The following DBF4B variants were observed in gnomAD, a reference collection of about 807,000 sequenced individuals.
DBF4B encodes the protein protein DBF4 homolog B.
DBF4B carries 49 observed loss-of-function variants against 53.4 expected under a neutral mutation model. The ratio of observed to expected loss-of-function variants is 0.92; its 90% CI spans 0.73 to 1.16. DBF4B has a LOEUF of 1.16. Among genes scored for constraint, DBF4B ranks in the 50% most tolerant of loss-of-function variants. The pLI is 0.00. For missense variants in DBF4B, 692 were observed against 775.0 expected (o/e 0.89, Z 1.27); for synonymous variants, 257 against 288.7 (o/e 0.89, Z 1.11).
At chr17:44,727,098 CAAAA>C (rs60326279) in intron 3 of DBF4B, among the ~76,000 whole-genome samples, 1 of 49,516 alleles carries the variant, frequency 2.0e-5, no homozygotes, top group Non-Finnish European at 3.6e-5. Context: ...GACTCCATCT[CAAAA>C]AAAAAAAAAA....
chr17:44,727,864 A>ATTTTTTTT (rs756222247), intron 3 of DBF4B, among the ~76,000 whole-genome samples: 115 of 106,702 alleles, frequency 1.1e-3, no homozygotes, highest in Non-Finnish European at 1.2e-3. Context: ...TGCCCGGGTA[A>ATTTTTTTT]TTTTTTTTTT....
Position 44,747,094 on chromosome 17 carries a change from A to T in DBF4B, c.842A>T (p.Asp281Val). The T allele has an allele frequency of 1.2e-6, 2 of 1,614,108 alleles. No homozygotes were observed. Among genetic ancestry groups the T allele is most frequent in the Non-Finnish European group, 1.7e-6 (2 of 1,180,006 alleles). ...GSMHHTRESK[D>V]GEPSPRSAAH... is the part of the protein sequence containing the mutation. Reference sequence around the variant, plus strand: ...TGTACCCTCCCCAGAGAATCCAAGGATGGAGAGCCAAGCCCACGATCAGCT... The same window carrying T: ...TGTACCCTCCCCAGAGAATCCAAGGTTGGAGAGCCAAGCCCACGATCAGCT... The change falls in exon 11 of 14, where the codon GAT (aspartate) becomes GTT (valine). Residue 281 changes from aspartate to valine, a missense_variant. Physicochemically the swap from Asp to Val is radical, Grantham distance 152. Transcript: ENST00000315005.
chr17:44,732,282 G>A lies in DBF4B; in HGVS notation c.556+17G>A. On this transcript the variant is annotated intron_variant, in intron 6 of 13. Coordinates refer to ENST00000315005, the MANE Select transcript of DBF4B (RefSeq NM_145663.3). ...ACGTGGATGGTACCCTTTCTGTGCT[G>A]GGCTCCTGTGGAGGGAGAATTGGTG... The A allele has an allele frequency of 1.9e-6, 3 of 1,613,302 alleles. No individual in the cohort carries two copies. Among genetic ancestry groups the A allele is most frequent in the Non-Finnish European group, 2.5e-6 (3 of 1,179,492 alleles).
Position 44,751,171 on chromosome 17 carries a change from A to G in DBF4B, c.1766A>G (p.His589Arg). The G allele has an allele frequency of 6.2e-7, 1 of 1,614,014 alleles. No individual in the cohort carries two copies. ...TATCTCAATGATCATGACCTTGGACATCTCTGCCAGGCCAAACCCCAAGGC... is the reference window on the plus strand; with the variant it reads ...TATCTCAATGATCATGACCTTGGACGTCTCTGCCAGGCCAAACCCCAAGGC... ...PSYLNDHDLG[H>R]LCQAKPQGWN... Residue 589 changes from histidine to arginine, a missense_variant, in exon 14 of 14, where the codon CAT becomes CGT. By Grantham distance (29) the His-to-Arg change is conservative. Coordinates refer to ENST00000315005, the MANE Select transcript of DBF4B (RefSeq NM_145663.3).
At position 44,736,858 on chromosome 17, in the gene DBF4B, C is replaced by T. The variant is rs1468793050; in HGVS notation, c.659C>T (p.Thr220Ile). ...EGTCPAAESR[T>I]RKVARLKAPF... ...ACATGTCCAGCAGCAGAGTCAAGAACACGGAAAGGTCAGTGTGGTAGCTTT... is the reference window on the plus strand; with the variant it reads ...ACATGTCCAGCAGCAGAGTCAAGAATACGGAAAGGTCAGTGTGGTAGCTTT... Residue 220 changes from threonine to isoleucine, a missense_variant, in exon 8 of 14, where the codon ACA becomes ATA. Physicochemically the swap from Thr to Ile is moderately conservative, Grantham distance 89. This residue lies in a region of DBF4B where 597 missense variants were observed against 665.8 expected (regional missense o/e 0.90). Transcript: ENST00000315005. 6.2e-7 allele frequency: 1 copy of T among 1,614,092 alleles called. No homozygotes were observed. The highest frequency in any genetic ancestry group is 1.7e-5 in the Admixed American group (1 of 60,006).
Position 44,709,302 on chromosome 17 carries a change from A to G in DBF4B, c.20-2A>G. On this transcript the variant is annotated splice_acceptor_variant, in intron 1 of 13. Coordinates refer to ENST00000315005, the MANE Select transcript of DBF4B (RefSeq NM_145663.3). LOFTEE classifies it high-confidence loss of function. ...TTGAGTTGCTGTTATGTCCTTTCTC[A>G]GGAGACGATTGCCTCGAGCTGGAGA... 1 of 1,614,098 alleles carries G rather than the reference A, an allele frequency of 6.2e-7. No individual in the cohort carries two copies. The highest frequency in any genetic ancestry group is 8.5e-7 in the Non-Finnish European group (1 of 1,180,018).
chr17:44,746,827 AAAAAAG>A (rs1429709523), intron 10 of DBF4B, among the ~76,000 whole-genome samples: 5 of 151,926 alleles, frequency 3.3e-5, no homozygotes, highest in Non-Finnish European at 5.9e-5. Flanking sequence ...AAAAAAAAAA[AAAAAAG>A]AGAGAGAGGA....
chr17:44,723,480 G>A (rs375432701), intron 3 of DBF4B, among the ~76,000 whole-genome samples: 2 of 151,796 alleles, frequency 1.3e-5, no homozygotes. Flanking sequence ...TTGGCCAGGC[G>A]CAGTGGCTCA....
chr17:44,741,388 C>T lies in DBF4B; in HGVS notation c.766C>T (p.Leu256Phe), dbSNP rs1255377952. The change falls in exon 10 of 14, where the codon CTT becomes TTT. Residue 256 changes from leucine to phenylalanine, a missense_variant. By Grantham distance (22) the Leu-to-Phe change is conservative. Around this residue, in one of 3 missense-constraint regions of DBF4B, gnomAD observed 597 missense variants for 665.8 expected, o/e 0.90. Transcript: ENST00000315005. Reference protein sequence around the residue: ...QFKSFPEISFLGPKDASPFEA... With the variant: ...QFKSFPEISFFGPKDASPFEA... Reference sequence around the variant, plus strand: ...TAAATCCTTTCCTGAAATTTCTTTTCTTGGACCCAAAGATGCAAGTCCCTT... The same window carrying T: ...TAAATCCTTTCCTGAAATTTCTTTTTTTGGACCCAAAGATGCAAGTCCCTT... 8 of 1,613,654 alleles carry T rather than the reference C, an allele frequency of 5.0e-6. No individual in the cohort carries two copies. Among genetic ancestry groups the T allele is most frequent in the Non-Finnish European group, 6.8e-6 (8 of 1,179,782 alleles).
chr17:44,747,647 C>G, intron 12 of DBF4B, 132 bp downstream of exon 12: 1 of 1,256,314 alleles, frequency 8.0e-7, no homozygotes. Flanking sequence ...CCTTCCTTTC[C>G]CCTTATCCTC....
Position 44,752,109 on chromosome 17 carries a change from C to A in DBF4B, c.*856C>A. On this transcript the variant is annotated 3_prime_UTR_variant, in exon 14 of 14. Transcript: ENST00000315005. The stretch of plus-strand genomic sequence containing the variant: ...TTGGTAGCTCCACCCCAACTCCCTT[C>A]TGCTGGGTGGAATGCAGGAGCTAGC... 2.0e-6 allele frequency: 2 copies of A among 1,011,854 alleles called. No homozygotes were observed. Among genetic ancestry groups the A allele is most frequent in the Non-Finnish European group, 3.0e-6 (2 of 674,032 alleles). 62.7% of individuals were successfully genotyped at this position (1,011,854 alleles called of 1,614,324 possible). A position where few individuals can be genotyped will look rare whatever the true frequency, so the allele number is the denominator to read the frequency against.
chr17:44,747,609 C>T, intron 12 of DBF4B, 94 bp downstream of exon 12: 1 of 1,492,520 alleles, frequency 6.7e-7, no homozygotes, highest in Non-Finnish European at 9.0e-7. Context: ...CTGCTGGGAC[C>T]AGACTGTGAT....
At chr17:44,735,077 G>A (rs1439958029) in intron 7 of DBF4B, among the ~76,000 whole-genome samples, 1 of 152,120 alleles carries the variant, frequency 6.6e-6, no homozygotes, top group African/African-American at 2.4e-5. Context: ...TCCAGCCTAG[G>A]CGACAGCAAA....
chr17:44,726,052 C>T (rs956625572), intron 3 of DBF4B, among the ~76,000 whole-genome samples: 8 of 150,342 alleles, frequency 5.3e-5, no homozygotes, highest in African/African-American at 1.7e-4. Context: ...TGCAATGGTG[C>T]GATCTCAGCT....
intron 10 of DBF4B, among the ~76,000 whole-genome samples, chr17:44,744,747 A>AT (rs1180230679): frequency 6.6e-6 from 1 of 152,208 alleles, no homozygotes; most frequent in African/African-American, 2.4e-5. Context: ...TGACTGGCAG[A>AT]TATGCTGACC....
chr17:44,750,750 G>A lies in DBF4B; in HGVS notation c.1345G>A (p.Ala449Thr), dbSNP rs767748210. ...REQGCLCPCP[A>T]SFTQSHLVTS... ...GCAGGGCTGCCTCTGTCCCTGCCCAGCCTCCTTTACCCAGTCTCATCTGGT... is the reference window on the plus strand; with the variant it reads ...GCAGGGCTGCCTCTGTCCCTGCCCAACCTCCTTTACCCAGTCTCATCTGGT... Residue 449 changes from alanine to threonine, a missense_variant, in exon 14 of 14, where the codon GCC becomes ACC. This residue lies in a region of DBF4B where 597 missense variants were observed against 665.8 expected (regional missense o/e 0.90). Coordinates refer to ENST00000315005, the MANE Select transcript of DBF4B (RefSeq NM_145663.3). The A allele has an allele frequency of 1.2e-6, 2 of 1,614,162 alleles. No individual in the cohort carries two copies. The highest frequency in any genetic ancestry group is 1.7e-6 in the Non-Finnish European group (2 of 1,180,028).
intron 13 of DBF4B, chr17:44,750,213 T>G: frequency 9.9e-7 from 1 of 1,008,168 alleles, no homozygotes; most frequent in Non-Finnish European, 1.2e-6. Flanking sequence ...GCCATTAATC[T>G]GGAGACAGAA....
At chr17:44,734,341 C>T (rs1975143239) in intron 7 of DBF4B, among the ~76,000 whole-genome samples, 178 bp downstream of exon 7, 1 of 152,200 alleles carries the variant, frequency 6.6e-6, no homozygotes, top group South Asian at 2.1e-4. Context: ...AACACCCTTT[C>T]TTCTCTCTTC....
intron 3 of DBF4B, among the ~76,000 whole-genome samples, chr17:44,729,563 C>T (rs1272777402): frequency 1.3e-5 from 2 of 152,102 alleles, no homozygotes; most frequent in East Asian, 3.9e-4. Flanking sequence ...TAATCCTTTC[C>T]AGCTCTTTCA....
Sources: gnomAD v4.1 joint callset for allele counts (sites outside exome capture counted in the v4.1 genomes callset) on GRCh38, gnomAD v4.1.1 for gene constraint, gnomAD v4.1.1 regional missense constraint, MANE v1.5 for transcripts, NCBI Gene and HGNC (gene_info 2026-07-23, HGNC 2026-07-21) for gene names.